The following PLCXD2 variants were observed in gnomAD, a reference collection of about 807,000 sequenced individuals.
PLCXD2 encodes the protein phosphatidylinositol specific phospholipase C X domain containing 2, also known as PI-PLC X domain-containing protein 2.
Under a neutral mutation model 28.6 loss-of-function variants are expected in PLCXD2, and 21 were observed. That is an observed-to-expected ratio of 0.73 (90% CI 0.52 to 1.06). The LOEUF (loss-of-function observed/expected upper bound fraction) is 1.06. PLCXD2 is among the 50% of genes least tolerant of loss of function. The pLI is 0.00. For synonymous variants in PLCXD2, 140 were observed against 150.1 expected, an observed-to-expected ratio of 0.93 and a Z score of 0.49; for missense variants, 369 against 376.7, an observed-to-expected ratio of 0.98 and a Z score of 0.17.
intron 1 of PLCXD2, among the ~76,000 whole-genome samples, chr3:111,682,824 T>A (rs1321010337): frequency 6.6e-6 from 1 of 152,236 alleles, no homozygotes; most frequent in Non-Finnish European, 1.5e-5. Context: ...TCCATATGGA[T>A]CCTCACAAGA....
At chr3:111,711,391 T>C (rs1941197853) in intron 2 of PLCXD2, among the ~76,000 whole-genome samples, 1 of 151,936 alleles carries the variant, frequency 6.6e-6, no homozygotes, top group African/African-American at 2.4e-5. Context: ...CTGACCAGAG[T>C]GAAACTCCGT....
chr3:111,690,115 GATAACA>G lies in PLCXD2; in HGVS notation c.163+14711_163+14716del, dbSNP rs1940852718. ...TAAGCAGATGGCCCCCCAAAATCCT[GATAACA>G]ATACTAGAATTGTAAAAATTAGGTC... On this transcript the variant is annotated intron_variant, in intron 1 of 4. Transcript: ENST00000477665. Among the ~76,000 whole-genome samples the G allele has an allele frequency of 4.2e-5, 6 of 141,984 alleles. No homozygotes were observed. The South Asian group carries it at 1.4e-3, about 32-fold the overall frequency. 93.1% of individuals were successfully genotyped at this position (141,984 alleles called of 152,430 possible).
At chr3:111,720,859 G>T (rs1020140951) in intron 3 of PLCXD2, 2 of 416,698 alleles carry the variant, frequency 4.8e-6, no homozygotes, top group African/African-American at 4.1e-5. Flanking sequence ...CCTACAGGAG[G>T]ACACAGCTCT....
rs576763062 is a variant in PLCXD2 at position 111,716,190 on chromosome 3, G to A, written c.866+2062G>A. ...CTAGTCCTGCACATCAACTGAAGGA[G>A]GAAAATATAGCTCTGGTTGAGTTTG... On this transcript the variant is annotated intron_variant, in intron 3 of 4. Transcript: ENST00000477665. Among the ~76,000 whole-genome samples the A allele has an allele frequency of 1.1e-4, 16 of 152,312 alleles. No homozygotes were observed. In the East Asian group the frequency reaches 3.1e-3, roughly 29 times the overall value.
chr3:111,707,817 G>A lies in PLCXD2; in HGVS notation c.164-109G>A. On this transcript the variant is annotated intron_variant, in intron 1 of 4. Coordinates refer to ENST00000477665, the MANE Select transcript of PLCXD2 (RefSeq NM_001185106.1). Reference sequence around the variant, plus strand: ...TTGCTACTATTCATTTGCAGTTTTAGTATGTTATTTGGTGCTTAATTTTTG... The same window carrying A: ...TTGCTACTATTCATTTGCAGTTTTAATATGTTATTTGGTGCTTAATTTTTG... The A allele has an allele frequency of 5.0e-6, 5 of 1,008,898 alleles. No homozygotes were observed. The South Asian group carries it at 7.1e-5, about 14-fold the overall frequency. The allele number at this position is 1,008,898 out of a possible 1,614,324, so 62.5% of individuals were successfully genotyped here.
intron 1 of PLCXD2, among the ~76,000 whole-genome samples, chr3:111,678,639 G>A (rs2107836780): frequency 6.6e-6 from 1 of 152,272 alleles, no homozygotes; most frequent in African/African-American, 2.4e-5. Context: ...AAAATTTATT[G>A]TTGATTCTTG....
At chr3:111,701,814 G>A (rs1576459493) in intron 1 of PLCXD2, among the ~76,000 whole-genome samples, 2 of 152,268 alleles carry the variant, frequency 1.3e-5, no homozygotes, top group South Asian at 4.1e-4. Flanking sequence ...TGAAGACGGT[G>A]AGAGAGAGGG....
In PLCXD2 at chr3:111,720,926, G is replaced by A. The variant is rs79680690; in HGVS notation, c.866+6798G>A. On this transcript the variant is annotated intron_variant, in intron 3 of 4. Transcript: ENST00000477665. Reference sequence around the variant, plus strand: ...CTTAATGTTGAATTTGTTGATCCAGGGTAGAGTTCTAAAGGATGTCCTGTT... The same window carrying A: ...CTTAATGTTGAATTTGTTGATCCAGAGTAGAGTTCTAAAGGATGTCCTGTT... 613 of 415,872 alleles carry A rather than the reference G, an allele frequency of 1.5e-3. 5 individuals are homozygous for A. Among genetic ancestry groups the A allele is most frequent in the African/African-American group, 0.012 (578 of 48,794 alleles). 25.8% of individuals were successfully genotyped at this position (415,872 alleles called of 1,614,324 possible).
At position 111,704,817 on chromosome 3, in the gene PLCXD2, A is replaced by ATT. The variant is rs34775570; in HGVS notation, c.164-3095_164-3094dup. 6.2e-4 allele frequency among the ~76,000 whole-genome samples: 90 copies of ATT among 144,796 alleles called. 2 individuals carry two copies. The highest frequency in any genetic ancestry group is 1.1e-3 in the South Asian group (5 of 4,480). 95.0% of individuals were successfully genotyped at this position (144,796 alleles called of 152,430 possible). A position where few individuals can be genotyped will look rare whatever the true frequency, so the allele number is the denominator to read the frequency against. ...GACTTCATTCCTCCTATCTAGCATA[A>ATT]TTTTTTTTTTTTTTTGAGACAGAGT... On this transcript the variant is annotated intron_variant, in intron 1 of 4. Transcript: ENST00000477665.
chr3:111,710,584 C>G (rs975271848), intron 2 of PLCXD2, among the ~76,000 whole-genome samples: 2 of 152,166 alleles, frequency 1.3e-5, no homozygotes, highest in African/African-American at 4.8e-5. Flanking sequence ...GGCTTTCTGG[C>G]TTTCCAGAGT....
At chr3:111,720,186 C>A (rs1455019743) in intron 3 of PLCXD2, among the ~76,000 whole-genome samples, 3 of 152,040 alleles carry the variant, frequency 2.0e-5, no homozygotes, top group Non-Finnish European at 4.4e-5. Context: ...AAAGCTGAGG[C>A]TCTTGGTCTT....
At position 111,713,918 on chromosome 3, in the gene PLCXD2, A is replaced by G; in HGVS notation, c.656A>G (p.Lys219Arg). 6.2e-7 allele frequency: 1 copy of G among 1,614,032 alleles called. No homozygotes were observed. Among genetic ancestry groups the G allele is most frequent in the Non-Finnish European group, 8.5e-7 (1 of 1,179,918 alleles). The change falls in exon 3 of 5, where the codon AAG becomes AGG. Residue 219 changes from lysine (K) to arginine (R), a missense_variant. Coordinates refer to ENST00000477665, the MANE Select transcript of PLCXD2 (RefSeq NM_001185106.1). ...ATTTTCTACCACTGTCCCTTCTACA[A>G]GCAGTACCCCTTCCTGTGGCCAGGA...
At chr3:111,685,101 C>T (rs1027069707) in intron 1 of PLCXD2, among the ~76,000 whole-genome samples, 1 of 152,058 alleles carries the variant, frequency 6.6e-6, no homozygotes, top group African/African-American at 2.4e-5. Context: ...GGGAGAAGGG[C>T]ACAGGTGGGA....
chr3:111,685,123 T>C (rs1374699589), intron 1 of PLCXD2, among the ~76,000 whole-genome samples: 2 of 152,142 alleles, frequency 1.3e-5, no homozygotes, highest in East Asian at 1.9e-4. Context: ...ACAGTGGAGA[T>C]GGTTTCAGAG....
At chr3:111,700,982 G>A (rs559126543) in intron 1 of PLCXD2, among the ~76,000 whole-genome samples, 15 of 152,276 alleles carry the variant, frequency 9.9e-5, no homozygotes, top group Admixed American at 4.6e-4. Flanking sequence ...CCAAAACAGT[G>A]GTGGTGGCTA....
At chr3:111,702,377 T>C (rs1215118137) in intron 1 of PLCXD2, among the ~76,000 whole-genome samples, 1 of 152,144 alleles carries the variant, frequency 6.6e-6, no homozygotes, top group Non-Finnish European at 1.5e-5. Context: ...AAGTATGTCA[T>C]AGCAGACAAA....
intron 1 of PLCXD2, among the ~76,000 whole-genome samples, chr3:111,677,672 C>T (rs376845468): frequency 4.9e-4 from 74 of 152,170 alleles, no homozygotes; most frequent in Non-Finnish European, 8.2e-4. Flanking sequence ...ATTTAAGCCC[C>T]TGTGTAGCTG....
At chr3:111,712,866 G>A (rs144361481) in intron 2 of PLCXD2, among the ~76,000 whole-genome samples, 2 of 152,316 alleles carry the variant, frequency 1.3e-5, no homozygotes, top group African/African-American at 4.8e-5. Context: ...TCTGAATTGG[G>A]ACGATCAAAA....
chr3:111,713,820 A>G, intron 2 of PLCXD2, 67 bp from the exon 3 acceptor site: 2 of 1,532,034 alleles, frequency 1.3e-6, no homozygotes, highest in Admixed American at 3.7e-5. Context: ...CAGTCCGTAT[A>G]AAACGGAGGA....
Sources: allele counts gnomAD v4.1 joint callset (sites outside exome capture counted in the v4.1 genomes callset), GRCh38; gene constraint gnomAD v4.1.1; transcripts MANE v1.5; gene names NCBI Gene and HGNC (gene_info 2026-07-23, HGNC 2026-07-21).